Variants in PEPD observed in about 807,000 individuals in gnomAD.
The protein encoded by PEPD is xaa-Pro dipeptidase.
In PEPD, 53 loss-of-function variants were observed where a neutral mutation model predicts 60.7. The ratio of observed to expected loss-of-function variants is 0.87; its 90% CI spans 0.70 to 1.10. PEPD has a LOEUF of 1.10. PEPD is among the 50% of genes least tolerant of loss of function. The pLI is 0.00. For synonymous variants in PEPD, 267 were observed against 284.1 expected, an observed-to-expected ratio of 0.94 and a Z score of 0.60; for missense variants, 711 against 711.9, an observed-to-expected ratio of 1.00 and a Z score of 0.01.
At chr19:33,409,902 G>A (rs556528569) in intron 11 of PEPD, among the ~76,000 whole-genome samples, 1 of 152,366 alleles carries the variant, frequency 6.6e-6, no homozygotes, top group African/African-American at 2.4e-5. Flanking sequence ...GGATCAGGGC[G>A]AGGAGTGGGT....
intron 9 of PEPD, among the ~76,000 whole-genome samples, chr19:33,423,849 T>A (rs1224169420): frequency 2.0e-5 from 3 of 152,232 alleles, no homozygotes; most frequent in Non-Finnish European, 4.4e-5. Flanking sequence ...TTATGGCTTC[T>A]TCCTTTAAGA....
intron 1 of PEPD, among the ~76,000 whole-genome samples, chr19:33,516,426 C>T (rs1971023949): frequency 6.6e-6 from 1 of 152,258 alleles, no homozygotes; most frequent in African/African-American, 2.4e-5. Context: ...CAGAGACCCA[C>T]AGAACAAGTC....
intron 11 of PEPD, among the ~76,000 whole-genome samples, chr19:33,403,322 C>G (rs916458771): frequency 6.6e-5 from 10 of 152,198 alleles, no homozygotes; most frequent in African/African-American, 2.2e-4. Context: ...CAGAGCCCAC[C>G]ACGTCTGCAG....
At chr19:33,472,231 G>C (rs1286162234) in intron 7 of PEPD, among the ~76,000 whole-genome samples, 5 of 152,076 alleles carry the variant, frequency 3.3e-5, no homozygotes, top group Admixed American at 6.5e-5. Context: ...GGGAGGCTGA[G>C]GCGGGAGGAT....
At chr19:33,409,873 G>C (rs1178200008) in intron 11 of PEPD, among the ~76,000 whole-genome samples, 1 of 152,234 alleles carries the variant, frequency 6.6e-6, no homozygotes, top group East Asian at 1.9e-4. Flanking sequence ...CACACATGGG[G>C]TGAGGTGCCT....
At chr19:33,412,887 TG>T (rs1287148642) in intron 10 of PEPD, among the ~76,000 whole-genome samples, 1 of 152,118 alleles carries the variant, frequency 6.6e-6, no homozygotes, top group Non-Finnish European at 1.5e-5. Context: ...AGGACGCATG[TG>T]GGGGCAGACA....
rs1383617955 is a variant in PEPD at position 33,521,731 on chromosome 19, G to T, written c.17+13C>A. On this transcript the variant is annotated intron_variant, in intron 1 of 14. Transcript: ENST00000244137. ...ACGCCAGCGGGAAAGAGCGAGGGAG[G>T]CGCAGCACTCACCCGGTGGCCGCCG... 3 of 1,580,280 alleles carry T rather than the reference G, an allele frequency of 1.9e-6. No homozygotes were observed. The highest frequency in any genetic ancestry group is 1.7e-6 in the Non-Finnish European group (2 of 1,168,390).
chr19:33,413,621 A>G lies in PEPD; in HGVS notation c.694T>C (p.Ser232Pro). 1 of 1,588,008 alleles carries G rather than the reference A, an allele frequency of 6.3e-7. No homozygotes were observed. Among genetic ancestry groups the G allele is most frequent in the Non-Finnish European group, 8.6e-7 (1 of 1,166,412 alleles). ...LESLFEHYCY[S>P]RGGMRHSSYT... ...GAGCTGTGGCGCATGCCGCCCCGGG[A>G]GTAGCAGTAGTGCTCGAAGAGGCTG... The change falls in exon 10 of 15, where the codon TCC (serine) becomes CCC (proline). Residue 232 changes from serine (S) to proline (P), a missense_variant. Ser to Pro is a moderately conservative substitution (Grantham distance 74). Transcript: ENST00000244137.
intron 1 of PEPD, among the ~76,000 whole-genome samples, chr19:33,513,675 C>T (rs1377362680): frequency 1.3e-5 from 2 of 152,210 alleles, no homozygotes; most frequent in Non-Finnish European, 2.9e-5. Flanking sequence ...CCTGCCCAAC[C>T]CCGTGCCAGC....
rs559286821 is a variant in PEPD, at chr19:33,411,716, G to A, written c.774C>T (p.His258=). ...TCGTTCGGTCGTTGGGAGCTCCGGCGTGTCCGTAGTGTAGCACGGCTGAGT... is the reference window on the plus strand; with the variant it reads ...TCGTTCGGTCGTTGGGAGCTCCGGCATGTCCGTAGTGTAGCACGGCTGAGT... ...GENSAVLHYG[H]AGAPNDRTIQ... is the part of the protein sequence containing the mutation. Residue 258 remains histidine (H), a synonymous_variant, in exon 11 of 15, where the codon CAC becomes CAT. Coordinates refer to ENST00000244137, the MANE Select transcript of PEPD (RefSeq NM_000285.4). 402 of 1,610,744 alleles carry A rather than the reference G, an allele frequency of 2.5e-4. 8 individuals are homozygous for A. In the South Asian group the frequency reaches 4.2e-3, roughly 17 times the overall value.
At chr19:33,398,563 C>T (rs1014204008) in intron 12 of PEPD, among the ~76,000 whole-genome samples, 1 of 152,224 alleles carries the variant, frequency 6.6e-6, no homozygotes, top group Admixed American at 6.5e-5. Context: ...TAGGTGAATA[C>T]ACCACAGGCC....
intron 7 of PEPD, among the ~76,000 whole-genome samples, chr19:33,468,743 G>GA (rs1184628244): frequency 6.6e-6 from 1 of 152,122 alleles, no homozygotes. Context: ...GGGGAATGTG[G>GA]AAAAAACAAA....
chr19:33,400,589 C>A (rs1404266904), intron 12 of PEPD, among the ~76,000 whole-genome samples: 1 of 152,224 alleles, frequency 6.6e-6, no homozygotes, highest in African/African-American at 2.4e-5. Flanking sequence ...GTCGTGGGAG[C>A]CATGTGCCTG....
At chr19:33,518,454 C>A (rs2145364869) in intron 1 of PEPD, among the ~76,000 whole-genome samples, 1 of 152,284 alleles carries the variant, frequency 6.6e-6, no homozygotes, top group Middle Eastern at 3.4e-3. Context: ...ATGCTGACTC[C>A]AGTGTAACCT....
rs1970918132 is a variant in PEPD, at chr19:33,511,114, G to A, written c.243C>T (p.Gly81=). 6.2e-7 allele frequency: 1 copy of A among 1,613,840 alleles called. No homozygotes were observed. Among genetic ancestry groups the A allele is most frequent in the South Asian group, 1.1e-5 (1 of 91,078 alleles). Residue 81 remains glycine (G), a synonymous_variant, in exon 3 of 15, where the codon GGC becomes GGT. Transcript: ENST00000244137. ...TGTCAACATCGATGACACCATAGCA[G>A]CCTGGCTCAGTGACACCGAACGCCC... is the stretch of plus-strand genomic sequence containing the variant. The part of the protein sequence containing the change: ...FHWAFGVTEP[G]CYGVIDVDTG...
chr19:33,464,610 A>C (rs1387665290), intron 7 of PEPD, among the ~76,000 whole-genome samples: 2 of 152,136 alleles, frequency 1.3e-5, no homozygotes, highest in Admixed American at 1.3e-4. Flanking sequence ...AAACAGCTGG[A>C]CAGCAGACAC....
At chr19:33,391,620 T>G in intron 12 of PEPD, 141 bp from the exon 13 acceptor site, 3 of 760,940 alleles carry the variant, frequency 3.9e-6, no homozygotes, top group Non-Finnish European at 2.2e-6. Flanking sequence ...GGGTACTACA[T>G]CGGGGGCCCA....
At chr19:33,470,429 C>T (rs1721654217) in intron 7 of PEPD, among the ~76,000 whole-genome samples, 1 of 152,066 alleles carries the variant, frequency 6.6e-6, no homozygotes, top group Non-Finnish European at 1.5e-5. Flanking sequence ...CCCTCCTCTG[C>T]CTGGAACTTG....
At chr19:33,398,649 T>C (rs957781842) in intron 12 of PEPD, among the ~76,000 whole-genome samples, 1 of 152,254 alleles carries the variant, frequency 6.6e-6, no homozygotes, top group African/African-American at 2.4e-5. Flanking sequence ...TATTTAAAAC[T>C]GAGCAAGAAA....
Sources: gnomAD v4.1 joint callset for allele counts (sites outside exome capture counted in the v4.1 genomes callset) on GRCh38, gnomAD v4.1.1 for gene constraint, MANE v1.5 for transcripts, NCBI Gene and HGNC (gene_info 2026-07-23, HGNC 2026-07-21) for gene names.